Variants in GCC2 observed in about 807,000 individuals in gnomAD.
The protein encoded by GCC2 is GRIP and coiled-coil domain-containing protein 2.
GCC2 carries 120 observed loss-of-function variants against 210.6 expected under a neutral mutation model. The ratio of observed to expected loss-of-function variants is 0.57; its 90% CI spans 0.49 to 0.66. GCC2 has a LOEUF of 0.66. GCC2 is among the 30% of genes least tolerant of loss of function. The pLI is 0.00. For missense variants in GCC2, 1,868 were observed against 1,871.9 expected, an observed-to-expected ratio of 1.00 and a Z score of 0.04; for synonymous variants, 703 against 652.7, an observed-to-expected ratio of 1.08 and a Z score of -1.17.
At chr2:108,493,745 A>G (rs1682515347) in intron 19 of GCC2, 3 of 985,300 alleles carry the variant, frequency 3.0e-6, no homozygotes, top group Admixed American at 1.2e-4. Flanking sequence ...TTATTAGGGT[A>G]AAAAAGCAAC....
At chr2:108,495,205 A>G (rs1266229941) in intron 19 of GCC2, 86 bp from the exon 20 acceptor site, 4 of 707,880 alleles carry the variant, frequency 5.7e-6, no homozygotes, top group African/African-American at 5.4e-5. Context: ...ATCATTTGAT[A>G]TTTTCATTTT....
rs371673633 is a variant in GCC2, at chr2:108,469,959, T to G, written c.630T>G (p.Asp210Glu). Reference protein sequence around the residue: ...YLQKQLDATTDEKKETVTQLQ... With the variant: ...YLQKQLDATTEEKKETVTQLQ... ...AAAAGCAATTAGACGCTACCACTGA[T>G]GAAAAGAAGGAAACAGTTACTCAAC... is the stretch of plus-strand genomic sequence containing the variant. The change falls in exon 6 of 23, where the codon GAT (aspartate) becomes GAG (glutamate). Residue 210 changes from aspartate (D) to glutamate (E), a missense_variant. By Grantham distance (45) the Asp-to-Glu change is conservative. Transcript: ENST00000309863. 5.0e-6 allele frequency: 8 copies of G among 1,613,326 alleles called. No individual in the cohort carries two copies. Among genetic ancestry groups the G allele is most frequent in the Non-Finnish European group, 6.8e-6 (8 of 1,179,600 alleles).
chr2:108,480,856 C>A (rs994611651), intron 9 of GCC2, among the ~76,000 whole-genome samples: 1 of 127,860 alleles, frequency 7.8e-6, no homozygotes, highest in Non-Finnish European at 1.7e-5. Flanking sequence ...CCCTGTGACA[C>A]AAGTTTGCCT....
intron 18 of GCC2, among the ~76,000 whole-genome samples, chr2:108,490,507 T>G (rs1682355462): frequency 6.6e-6 from 1 of 152,244 alleles, no homozygotes; most frequent in African/African-American, 2.4e-5. Flanking sequence ...TTTCAACTCC[T>G]GTGATAAAGA....
rs746365647 is a variant in GCC2, at chr2:108,484,235, AAAC to A, written c.3543_3545del (p.Asn1181del). 6.3e-7 allele frequency: 1 copy of A among 1,581,502 alleles called. No homozygotes were observed. ...AACTAAATCAAAAGTTAACTAATAA[AAAC>A]AACAAGATAGAAGATTTGGAGCAAG... On this transcript the variant is annotated inframe_deletion, in exon 13 of 23. Coordinates refer to ENST00000309863, the MANE Select transcript of GCC2 (RefSeq NM_181453.4).
In GCC2 at chr2:108,470,814, G is replaced by A. The variant is rs1681163583; in HGVS notation, c.1485G>A (p.Gly495=). Residue 495 remains glycine, a synonymous_variant, in exon 6 of 23, where the codon GGG becomes GGA. Transcript: ENST00000309863. ...EIMEILQTEL[G]ESAGKISQEF... is the part of the protein sequence containing the mutation. ...TGGAAATTTTACAAACAGAACTGGG[G>A]GAATCTGCTGGAAAAATAAGTCAAG... 6.2e-7 allele frequency: 1 copy of A among 1,613,530 alleles called. No homozygotes were observed. The highest frequency in any genetic ancestry group is 8.5e-7 in the Non-Finnish European group (1 of 1,179,690).
intron 11 of GCC2, 131 bp from the exon 12 acceptor site, chr2:108,482,931 C>G: frequency 1.6e-6 from 1 of 612,806 alleles, no homozygotes; most frequent in Admixed American, 2.9e-5. Context: ...CCACCCGCCT[C>G]GGCCTCCCAA....
At chr2:108,462,852 C>G (rs11543508) in intron 4 of GCC2, among the ~76,000 whole-genome samples, 1 of 151,036 alleles carries the variant, frequency 6.6e-6, no homozygotes. Flanking sequence ...CATGAGCCAC[C>G]GCATCTGGCC....
rs1199715610 is a variant in GCC2 at position 108,471,747 on chromosome 2, A to G, written c.2418A>G (p.Glu806=). The G allele has an allele frequency of 1.2e-6, 2 of 1,613,250 alleles. No homozygotes were observed. The highest frequency in any genetic ancestry group is 1.7e-6 in the Non-Finnish European group (2 of 1,179,704). Residue 806 remains glutamate, a synonymous_variant, in exon 6 of 23, where the codon GAA becomes GAG. Coordinates refer to ENST00000309863, the MANE Select transcript of GCC2 (RefSeq NM_181453.4). ...GCAACCTGGCTTTTCAGCGTGATGA[A>G]AAAGTATTAGAGTTAGAAAAAGAGA... ...EKCNLAFQRD[E]KVLELEKEIK...
chr2:108,479,932 A>G (rs1401999231), intron 9 of GCC2, among the ~76,000 whole-genome samples: 1 of 146,684 alleles, frequency 6.8e-6, no homozygotes, highest in Non-Finnish European at 1.5e-5. Flanking sequence ...CAGTAAGCCA[A>G]GGTCACGCCA....
At chr2:108,503,801 TA>T (rs1178347146) in intron 22 of GCC2, among the ~76,000 whole-genome samples, 1 of 152,238 alleles carries the variant, frequency 6.6e-6, no homozygotes, top group African/African-American at 2.4e-5. Context: ...ACATTCAGAA[TA>T]TTTTTTTAAA....
chr2:108,495,921 T>G (rs773320081), intron 20 of GCC2: 1 of 155,010 alleles, frequency 6.5e-6, no homozygotes, highest in Non-Finnish European at 1.4e-5. Flanking sequence ...AGATAAAGGG[T>G]GGGTCTGCCT....
intron 9 of GCC2, among the ~76,000 whole-genome samples, chr2:108,479,298 A>G (rs1002764564): frequency 2.0e-5 from 3 of 152,244 alleles, no homozygotes; most frequent in African/African-American, 4.8e-5. Flanking sequence ...ATAATTGACC[A>G]TGTGTAAATG....
At chr2:108,492,408 T>C (rs1162767372) in intron 18 of GCC2, among the ~76,000 whole-genome samples, 165 bp from the exon 19 acceptor site, 1 of 152,214 alleles carries the variant, frequency 6.6e-6, no homozygotes, top group Non-Finnish European at 1.5e-5. Flanking sequence ...TCAGTTCTCA[T>C]CAAGTTATTT....
intron 15 of GCC2, 138 bp downstream of exon 15, chr2:108,486,046 C>A: frequency 1.8e-6 from 1 of 564,982 alleles, no homozygotes. Flanking sequence ...AACAATAAAT[C>A]AAGTCTGGCA....
intron 14 of GCC2, 43 bp downstream of exon 14, chr2:108,485,779 T>C (rs746846522): frequency 7.0e-7 from 1 of 1,428,354 alleles, no homozygotes; most frequent in Non-Finnish European, 9.7e-7. Flanking sequence ...TTATTCATAA[T>C]TTATTTATGA....
At chr2:108,468,953 A>C (rs562529004) in intron 4 of GCC2, 27 bp from the exon 5 acceptor site, 1 of 1,459,482 alleles carries the variant, frequency 6.9e-7, no homozygotes, top group East Asian at 2.3e-5. Flanking sequence ...TTTTAACCCC[A>C]GGCAAATAAA....
chr2:108,503,810 A>T lies in GCC2; in HGVS notation c.4985-3750A>T, dbSNP rs4012110. 2.1e-3 allele frequency among the ~76,000 whole-genome samples: 322 copies of T among 152,300 alleles called. 3 individuals are homozygous for T. The highest frequency in any genetic ancestry group is 7.3e-3 in the African/African-American group (303 of 41,564). On this transcript the variant is annotated intron_variant, in intron 22 of 22. Coordinates refer to ENST00000309863, the MANE Select transcript of GCC2 (RefSeq NM_181453.4). ...TGGATCACATTCAGAATATTTTTTT[A>T]AAATCAAAAGAATACAAGCTGGGCT...
At chr2:108,455,059 A>G (rs1457137991) in intron 4 of GCC2, among the ~76,000 whole-genome samples, 2 of 152,186 alleles carry the variant, frequency 1.3e-5, no homozygotes, top group Non-Finnish European at 2.9e-5. Flanking sequence ...ATTTCAGAAT[A>G]AGAACATTTA....
Sources: gnomAD v4.1 joint callset for allele counts (sites outside exome capture counted in the v4.1 genomes callset) on GRCh38, gnomAD v4.1.1 for gene constraint, MANE v1.5 for transcripts, NCBI Gene and HGNC (gene_info 2026-07-23, HGNC 2026-07-21) for gene names.